NDRG4: variants seen among roughly 807,000 people sequenced by gnomAD.
NDRG4 encodes protein NDRG4.
NDRG4 carries 38 observed loss-of-function variants against 55.8 expected under a neutral mutation model. The observed-to-expected ratio is 0.68, with a 90% CI of 0.53 to 0.89. The LOEUF (loss-of-function observed/expected upper bound fraction) is 0.89. NDRG4 is among the 40% of genes least tolerant of loss of function. NDRG4 has a pLI of 0.00. For synonymous variants in NDRG4, 190 were observed against 182.7 expected (o/e 1.04, Z -0.32); for missense variants, 455 against 468.6 (o/e 0.97, Z 0.27).
chr16:58,506,270 C>A, intron 5 of NDRG4, 117 bp from the exon 6 acceptor site: 2 of 967,666 alleles, frequency 2.1e-6, no homozygotes, highest in Non-Finnish European at 1.7e-6. Flanking sequence ...GGTGTGCATG[C>A]ACAGACCCGG....
At chr16:58,499,994 C>T, upstream of NDRG4, 1 of 956,562 alleles carries the variant, frequency 1.0e-6, no homozygotes, top group East Asian at 2.9e-5. Context: ...CTTCAGAAGC[C>T]AATTGGAGCC....
At chr16:58,509,396 G>T (rs114297626) in intron 13 of NDRG4, 44 bp downstream of exon 13, 2 of 1,602,196 alleles carry the variant, frequency 1.2e-6, no homozygotes, top group Non-Finnish European at 1.7e-6. Flanking sequence ...AGAGACCGGT[G>T]GGCAGGCAGT....
chr16:58,477,559 C>A (rs1358704300), intron 1 of NDRG4, among the ~76,000 whole-genome samples: 1 of 151,838 alleles, frequency 6.6e-6, no homozygotes, highest in Non-Finnish European at 1.5e-5. Context: ...ATCCATGAGT[C>A]CTTATTGATA....
intron 14 of NDRG4, chr16:58,511,045 A>C: frequency 2.2e-6 from 1 of 462,058 alleles, no homozygotes; most frequent in Non-Finnish European, 3.9e-6. Context: ...TGCTTGTGAA[A>C]CTCTGAATTA....
rs2038904980 is a variant in NDRG4 at position 58,512,433 on chromosome 16, A to T, written c.*857A>T. The T allele has an allele frequency of 3.8e-6, 1 of 261,998 alleles. No homozygotes were observed. The allele number at this position is 261,998 out of a possible 1,614,324, so 16.2% of individuals were successfully genotyped here. On this transcript the variant is annotated 3_prime_UTR_variant, in exon 15 of 15. Transcript: ENST00000570248. ...TGGGAGCCCGCAGGTGGCCAGAGGC[A>T]GGGGTAGCTGAGTTCCTGGAGACCC...
At chr16:58,503,563 G>A (rs1367086881) in intron 1 of NDRG4, 1 of 789,708 alleles carries the variant, frequency 1.3e-6, no homozygotes, top group East Asian at 2.7e-5. Flanking sequence ...TTGCAGAGAG[G>A]ACCAGACCTT....
intron 2 of NDRG4, among the ~76,000 whole-genome samples, chr16:58,488,006 A>C (rs1323310042): frequency 2.0e-5 from 3 of 151,714 alleles, no homozygotes; most frequent in Non-Finnish European, 2.9e-5. Flanking sequence ...GGCAGGCCTG[A>C]GTGCCACCCA....
intron 1 of NDRG4, among the ~76,000 whole-genome samples, chr16:58,474,626 C>A (rs1304422614): frequency 2.0e-5 from 3 of 152,132 alleles, no homozygotes; most frequent in African/African-American, 7.2e-5. Context: ...TGATTTTTTG[C>A]CTCCCCTCCA....
rs60858251 is a variant in NDRG4 at position 58,513,168 on chromosome 16, A to ATG, written c.*1620_*1621dup. ...GTATCTATAAATATCTATACATTAT[A>ATG]TGTGTGTGTGTGTGTGTGTGTGTGT... is the stretch of plus-strand genomic sequence containing the variant. On this transcript the variant is annotated 3_prime_UTR_variant, in exon 15 of 15. Coordinates refer to ENST00000570248, the MANE Select transcript of NDRG4 (RefSeq NM_001242835.2). The ATG allele has an allele frequency of 0.27, 39,985 of 150,078 alleles. 5,816 individuals are homozygous for ATG. The highest frequency in any genetic ancestry group is 0.34 in the Non-Finnish European group (22,611 of 67,464). 9.3% of individuals were successfully genotyped at this position (150,078 alleles called of 1,614,324 possible). A position where few individuals can be genotyped will look rare whatever the true frequency, so the allele number is the denominator to read the frequency against.
At chr16:58,471,519 A>G (rs141887918) in intron 1 of NDRG4, among the ~76,000 whole-genome samples, 1 of 151,958 alleles carries the variant, frequency 6.6e-6, no homozygotes, top group Non-Finnish European at 1.5e-5. Flanking sequence ...TAAACTGAAG[A>G]GCATCACACA....
chr16:58,508,894 A>G, intron 10 of NDRG4, 68 bp from the exon 11 acceptor site: 1 of 1,580,556 alleles, frequency 6.3e-7, no homozygotes, highest in Non-Finnish European at 8.6e-7. Flanking sequence ...TTGGGGCATC[A>G]AACCTGCCTT....
chr16:58,490,466 C>A (rs1290233034), intron 2 of NDRG4, among the ~76,000 whole-genome samples: 1 of 152,178 alleles, frequency 6.6e-6, no homozygotes, highest in Non-Finnish European at 1.5e-5. Context: ...AGTGGGCACA[C>A]TCCTGCCTCC....
intron 1 of NDRG4, among the ~76,000 whole-genome samples, chr16:58,470,906 CCAAAAAA>C (rs889086185): frequency 6.3e-5 from 5 of 79,776 alleles, no homozygotes; most frequent in African/African-American, 1.8e-4. Flanking sequence ...GACACCATCT[CCAAAAAA>C]AAAAAAAAAA....
rs369952658 is a variant in NDRG4 at position 58,478,549 on chromosome 16, C to T, written c.-23-9207C>T. Among the ~76,000 whole-genome samples, 16 of 152,190 alleles carry T rather than the reference C, an allele frequency of 1.1e-4. No homozygotes were observed. In the South Asian group the frequency reaches 1.9e-3, roughly 18 times the overall value. On this transcript the variant is annotated intron_variant, in intron 1 of 15. Transcript: ENST00000258187. ...TAGGAAAGCTGGTAAAATATATGTA[C>T]GTTCTGTATATTACTTAACAGTATG...
At chr16:58,472,972 G>C (rs1022498647) in intron 1 of NDRG4, among the ~76,000 whole-genome samples, 2 of 151,994 alleles carry the variant, frequency 1.3e-5, no homozygotes, top group Non-Finnish European at 2.9e-5. Flanking sequence ...CTTCTTCTGG[G>C]GCTCAGTGCT....
chr16:58,496,311 G>A (rs2036406712), upstream of NDRG4, among the ~76,000 whole-genome samples: 4 of 152,048 alleles, frequency 2.6e-5, no homozygotes, highest in African/African-American at 9.7e-5. Context: ...CGGGGCCCAG[G>A]GTGTGTGGGA....
Position 58,504,402 on chromosome 16 carries a change from A to G in NDRG4, c.292A>G (p.Ser98Gly). 1 of 1,612,576 alleles carries G rather than the reference A, an allele frequency of 6.2e-7. No homozygotes were observed. The highest frequency in any genetic ancestry group is 8.5e-7 in the Non-Finnish European group (1 of 1,179,996). ...SMEQLAAMLP[S>G]VVQHFGFKYV... The stretch of plus-strand genomic sequence containing the variant: ...GGAGCAGCTGGCTGCCATGCTCCCC[A>G]GCGTGGTGCAGCATTTCGGGTGAGT... The change falls in exon 4 of 15, where the codon AGC (serine) becomes GGC (glycine). Residue 98 changes from serine to glycine, a missense_variant. Transcript: ENST00000570248.
At chr16:58,507,663 A>G in intron 8 of NDRG4, 145 bp from the exon 9 acceptor site, 1 of 768,260 alleles carries the variant, frequency 1.3e-6, no homozygotes, top group South Asian at 1.7e-5. Flanking sequence ...GAGTCCAAAA[A>G]GCCGTGACAG....
In NDRG4 at chr16:58,504,352, C is replaced by T; in HGVS notation, c.249-7C>T. 1 of 1,613,706 alleles carries T rather than the reference C, an allele frequency of 6.2e-7. No homozygotes were observed. The highest frequency in any genetic ancestry group is 8.5e-7 in the Non-Finnish European group (1 of 1,180,002). On this transcript the variant is annotated splice_region_variant and splice_polypyrimidine_tract_variant and intron_variant, in intron 3 of 14. Transcript: ENST00000570248. ...ACCTGGGCCCTGACCTCCTGCTCTG[C>T]CTGCAGGTACCAGTTCCCCTCCATG... is the stretch of plus-strand genomic sequence containing the variant.
Sources: allele counts gnomAD v4.1 joint callset (sites outside exome capture counted in the v4.1 genomes callset), GRCh38; gene constraint gnomAD v4.1.1; transcripts MANE v1.5; gene names NCBI Gene and HGNC (gene_info 2026-07-23, HGNC 2026-07-21).